Variants in IL20RA observed in about 807,000 individuals in gnomAD.
IL20RA encodes interleukin-20 receptor subunit alpha.
Under a neutral mutation model 36.5 loss-of-function variants are expected in IL20RA, and 29 were observed. The observed-to-expected ratio is 0.79, with a 90% confidence interval of 0.59 to 1.08. IL20RA has a LOEUF of 1.08. Among genes scored for constraint, IL20RA ranks in the 50% least tolerant of loss-of-function variants. The pLI, the probability that IL20RA is intolerant of heterozygous loss-of-function variation, is 0.00. For synonymous variants in IL20RA, 279 were observed against 267.1 expected (o/e 1.04, Z -0.43); for missense variants, 652 against 668.4 (o/e 0.98, Z 0.27).
chr6:137,023,261 T>C lies in IL20RA; in HGVS notation c.89-6158A>G, dbSNP rs1223900560. On this transcript the variant is annotated intron_variant, in intron 1 of 6. Coordinates refer to ENST00000316649, the MANE Select transcript of IL20RA (RefSeq NM_014432.4). ...AGGGCCTTAGGAGAGGGCAGTGTTC[T>C]AGGCACTGAGATGGGAAAGGGCCTA... Among the ~76,000 whole-genome samples the C allele has an allele frequency of 8.2e-5, 3 of 36,520 alleles. No individual in the cohort carries two copies. The Non-Finnish European group carries it at 1.6e-3, about 20-fold the overall frequency. 24.0% of individuals were successfully genotyped at this position (36,520 alleles called of 152,430 possible).
rs972867897 is a variant in IL20RA, at chr6:137,000,184, C to T, written c.*1374G>A. 10 of 152,274 alleles carry T rather than the reference C, an allele frequency of 6.6e-5. No homozygotes were observed. The highest frequency in any genetic ancestry group is 3.9e-4 in the East Asian group (2 of 5,186). 9.4% of individuals were successfully genotyped at this position (152,274 alleles called of 1,614,324 possible). On this transcript the variant is annotated 3_prime_UTR_variant, in exon 7 of 7. Transcript: ENST00000316649. The stretch of plus-strand genomic sequence containing the variant: ...AACTGTTTGCATTTGCGGATAATCA[C>T]GAAAGGTCATGACCCCAGAATCCAT...
intron 1 of IL20RA, chr6:137,042,866 G>T (rs1301379967): frequency 6.6e-6 from 1 of 152,148 alleles, no homozygotes; most frequent in Non-Finnish European, 1.5e-5. Context: ...TTACGAGCAG[G>T]TAGTATCCAG....
chr6:137,016,309 C>CAA (rs1207457550), intron 2 of IL20RA, among the ~76,000 whole-genome samples: 1 of 152,196 alleles, frequency 6.6e-6, no homozygotes, highest in Non-Finnish European at 1.5e-5. Flanking sequence ...TCCATGCTCT[C>CAA]AGATTGTTAG....
intron 2 of IL20RA, among the ~76,000 whole-genome samples, chr6:137,012,678 G>A (rs752616508): frequency 6.6e-6 from 1 of 152,140 alleles, no homozygotes; most frequent in Non-Finnish European, 1.5e-5. Context: ...AATTTCAGGA[G>A]CGTCAAGATT....
chr6:137,044,199 G>T, intron 1 of IL20RA: 1 of 987,118 alleles, frequency 1.0e-6, no homozygotes, highest in Non-Finnish European at 1.2e-6. Flanking sequence ...AGGACTGCGG[G>T]GCCCGGCGGC....
intron 1 of IL20RA, among the ~76,000 whole-genome samples, chr6:137,022,890 G>A (rs1775953218): frequency 6.6e-6 from 1 of 152,226 alleles, no homozygotes; most frequent in African/African-American, 2.4e-5. Flanking sequence ...GTTGGAAGAA[G>A]CAAGGAAGGA....
chr6:137,037,528 C>A lies in IL20RA; in HGVS notation c.88+7113G>T, dbSNP rs1486543481. Among the ~76,000 whole-genome samples, 3 of 152,124 alleles carry A rather than the reference C, an allele frequency of 2.0e-5. No individual in the cohort carries two copies. The East Asian group carries it at 5.8e-4, about 29-fold the overall frequency. On this transcript the variant is annotated intron_variant, in intron 1 of 6. Coordinates refer to ENST00000316649, the MANE Select transcript of IL20RA (RefSeq NM_014432.4). ...TCTGAGTTTGAATGAGGGTCTGTGT[C>A]TCATAGATGACAACAAAGATAAGAA...
In IL20RA at chr6:137,022,127, T is replaced by C. The variant is rs544280754; in HGVS notation, c.89-5024A>G. Among the ~76,000 whole-genome samples, 7 of 152,326 alleles carry C rather than the reference T, an allele frequency of 4.6e-5. No homozygotes were observed. In the South Asian group the frequency reaches 1.5e-3, roughly 32 times the overall value. On this transcript the variant is annotated intron_variant, in intron 1 of 6. Transcript: ENST00000316649. ...TGATGAGAAAACATGTATTAATCTATGATATTAATACATCAAATAATTTGG... is the reference window on the plus strand; with the variant it reads ...TGATGAGAAAACATGTATTAATCTACGATATTAATACATCAAATAATTTGG...
Position 137,025,093 on chromosome 6 carries a change from T to C in IL20RA, c.89-7990A>G, listed in dbSNP as rs189843503. On this transcript the variant is annotated intron_variant, in intron 1 of 6. Coordinates refer to ENST00000316649, the MANE Select transcript of IL20RA (RefSeq NM_014432.4). ...CTGTAGCTTGTAAGCCACATAGAGA[T>C]TTGTGTCCCCTCTCAGTGTTTATTT... Among the ~76,000 whole-genome samples, 8 of 152,300 alleles carry C rather than the reference T, an allele frequency of 5.3e-5. No homozygotes were observed. In the East Asian group the frequency reaches 1.5e-3, roughly 29 times the overall value.
At position 137,017,035 on chromosome 6, in the gene IL20RA, C is replaced by G; in HGVS notation, c.157G>C (p.Val53Leu). 2 of 1,612,640 alleles carry G rather than the reference C, an allele frequency of 1.2e-6. No homozygotes were observed. Among genetic ancestry groups the G allele is most frequent in the Non-Finnish European group, 1.7e-6 (2 of 1,178,606 alleles). The change falls in exon 2 of 7, where the codon GTC becomes CTC. Residue 53 changes from valine to leucine, a missense_variant. By Grantham distance (32) the Val-to-Leu change is conservative. Coordinates refer to ENST00000316649, the MANE Select transcript of IL20RA (RefSeq NM_014432.4). Reference sequence around the variant, plus strand: ...CCCTCTGGTGGAGTCCATTGTAGGACATTCTTCATGTTGATGGATAAGAAG... The same window carrying G: ...CCCTCTGGTGGAGTCCATTGTAGGAGATTCTTCATGTTGATGGATAAGAAG... Reference protein sequence around the residue: ...ITFLSINMKNVLQWTPPEGLQ... With the variant: ...ITFLSINMKNLLQWTPPEGLQ...
intron 5 of IL20RA, among the ~76,000 whole-genome samples, chr6:137,006,012 G>C (rs1775264562): frequency 6.6e-6 from 1 of 152,176 alleles, no homozygotes; most frequent in Non-Finnish European, 1.5e-5. Flanking sequence ...GGAGAATCCT[G>C]ACTGATACAG....
chr6:137,017,126 T>C (rs374031310), intron 1 of IL20RA, 23 bp from the exon 2 acceptor site: 14 of 1,609,842 alleles, frequency 8.7e-6, no homozygotes, highest in African/African-American at 6.7e-5. Context: ...CAGAAAGGAA[T>C]TGAGGTCTTA....
chr6:137,043,773 C>T (rs967976697), intron 1 of IL20RA, among the ~76,000 whole-genome samples: 1 of 152,118 alleles, frequency 6.6e-6, no homozygotes, highest in Non-Finnish European at 1.5e-5. Flanking sequence ...TTTGGAGAAG[C>T]TTTGTTGTTG....
rs779716037 is a variant in IL20RA, at chr6:137,034,813, C to T, written c.88+9828G>A. ...AAAAAAAATGAGCCGGGCGTGGTGGCGGGCGCCTGTAGTCCTAGCTACTTG... is the reference window on the plus strand; with the variant it reads ...AAAAAAAATGAGCCGGGCGTGGTGGTGGGCGCCTGTAGTCCTAGCTACTTG... On this transcript the variant is annotated intron_variant, in intron 1 of 6. Coordinates refer to ENST00000316649, the MANE Select transcript of IL20RA (RefSeq NM_014432.4). Among the ~76,000 whole-genome samples, 16 of 151,894 alleles carry T rather than the reference C, an allele frequency of 1.1e-4. No homozygotes were observed. In the South Asian group the frequency reaches 1.5e-3, roughly 14 times the overall value.
At position 137,044,800 on chromosome 6, in the gene IL20RA, G is replaced by C. The variant is rs990090990; in HGVS notation, c.-72C>G. The C allele has an allele frequency of 5.0e-6, 6 of 1,195,398 alleles. No individual in the cohort carries two copies. The African/African-American group carries it at 7.9e-5, about 16-fold the overall frequency. 74.0% of individuals were successfully genotyped at this position (1,195,398 alleles called of 1,614,324 possible). ...TCCCACGCCCGCTGGGGCCAAGCGC[G>C]GCCGCGCGGCCTCAGCTCCGCGCCT... On this transcript the variant is annotated 5_prime_UTR_variant, in exon 1 of 7. Transcript: ENST00000316649.
chr6:137,001,508 G>A lies in IL20RA; in HGVS notation c.*50C>T. On this transcript the variant is annotated 3_prime_UTR_variant, in exon 7 of 7. Transcript: ENST00000316649. ...GTACTTTATGGCTGGGATCAAAGGG[G>A]TGACTCACTTGTTTGCACAGGAAAC... is the stretch of plus-strand genomic sequence containing the variant. The A allele has an allele frequency of 1.4e-6, 2 of 1,476,700 alleles. No homozygotes were observed. Among genetic ancestry groups the A allele is most frequent in the South Asian group, 2.8e-5 (2 of 71,208 alleles). The allele number at this position is 1,476,700 out of a possible 1,614,324, so 91.5% of individuals were successfully genotyped here.
chr6:137,019,073 G>A (rs1400179894), intron 1 of IL20RA, among the ~76,000 whole-genome samples: 3 of 151,980 alleles, frequency 2.0e-5, no homozygotes, highest in African/African-American at 2.4e-5. Context: ...CAGGCATATC[G>A]TCTCAAGGTT....
Position 137,008,611 on chromosome 6 carries a change from T to C in IL20RA, c.712A>G (p.Arg238Gly). The C allele has an allele frequency of 1.9e-6, 3 of 1,599,284 alleles. No individual in the cohort carries two copies. The highest frequency in any genetic ancestry group is 2.6e-6 in the Non-Finnish European group (3 of 1,173,386). Reference protein sequence around the residue: ...RAQPSEKQCARTLKDQSSEFK... With the variant: ...RAQPSEKQCAGTLKDQSSEFK... ...TTTTAAAGCTTACCTTTCAAAGTCC[T>C]GGCACACTGCTTCTCAGAAGGCTGA... The change falls in exon 5 of 7, where the codon AGG becomes GGG. Residue 238 changes from arginine (R) to glycine (G), a missense_variant. By Grantham distance (125) the Arg-to-Gly change is moderately radical. Coordinates refer to ENST00000316649, the MANE Select transcript of IL20RA (RefSeq NM_014432.4).
chr6:137,035,463 C>A (rs1776462435), intron 1 of IL20RA, among the ~76,000 whole-genome samples: 1 of 152,214 alleles, frequency 6.6e-6, no homozygotes, highest in South Asian at 2.1e-4. Context: ...TCAATTCTGG[C>A]ATTTACATTT....
Sources: allele counts gnomAD v4.1 joint callset (sites outside exome capture counted in the v4.1 genomes callset), GRCh38; gene constraint gnomAD v4.1.1; transcripts MANE v1.5; gene names NCBI Gene and HGNC (gene_info 2026-07-23, HGNC 2026-07-21).